The following F13A1 variants were observed in gnomAD, a reference collection of about 807,000 sequenced individuals.
F13A1 encodes FSF, A subunit.
In F13A1, 47 loss-of-function variants were observed where a neutral mutation model predicts 80.1. The observed-to-expected ratio is 0.59, with a 90% CI of 0.46 to 0.75. The LOEUF (loss-of-function observed/expected upper bound fraction) is 0.75, where lower values mean the gene tolerates loss of function less well. Among genes scored for constraint, F13A1 ranks in the 30% least tolerant of loss-of-function variants. The pLI is 0.00. For synonymous variants in F13A1, 349 were observed against 344.9 expected, an observed-to-expected ratio of 1.01 and a Z score of -0.13; for missense variants, 817 against 930.4, an observed-to-expected ratio of 0.88 and a Z score of 1.59.
chr6:6,206,971 A>T (rs1041896720), intron 8 of F13A1, among the ~76,000 whole-genome samples: 2 of 151,774 alleles, frequency 1.3e-5, no homozygotes, highest in East Asian at 3.9e-4. Context: ...CAGAGTAAGG[A>T]CTACTGGAAA....
At chr6:6,311,768 A>G (rs1758603463) in intron 2 of F13A1, among the ~76,000 whole-genome samples, 1 of 144,132 alleles carries the variant, frequency 6.9e-6, no homozygotes, top group South Asian at 2.2e-4. Flanking sequence ...ATATATATTT[A>G]TATATTATAT....
rs1583090885 is a variant in F13A1 at position 6,243,898 on chromosome 6, C to G, written c.798+4414G>C. On this transcript the variant is annotated intron_variant, in intron 6 of 14. Transcript: ENST00000264870. The surrounding 1 kb of genome is among the most constrained non-coding windows in gnomAD (Gnocchi z 4.2). ...GAGCCTTTATCTGCAGTAGCGGCAG[C>G]CTTTGCAGAAGCAGCTGCATCTCCT... 6.6e-6 allele frequency among the ~76,000 whole-genome samples: 1 copy of G among 152,218 alleles called. No homozygotes were observed.
chr6:6,197,244 T>C lies in F13A1; in HGVS notation c.1195A>G (p.Thr399Ala). The change falls in exon 9 of 15, where the codon ACC becomes GCC. Residue 399 changes from threonine to alanine, a missense_variant. Transcript: ENST00000264870. ...GFGGWQAVDS[T>A]PQENSDGMYR... ...TTACCATCGCTATTTTCCTGGGGGG[T>C]GCTGTCCACAGCTTGCCAGCCTCCA... is the stretch of plus-strand genomic sequence containing the variant. 6.2e-7 allele frequency: 1 copy of C among 1,614,068 alleles called. No individual in the cohort carries two copies. The highest frequency in any genetic ancestry group is 8.5e-7 in the Non-Finnish European group (1 of 1,179,990).
chr6:6,302,113 T>C (rs945226931), intron 3 of F13A1, among the ~76,000 whole-genome samples: 4 of 152,234 alleles, frequency 2.6e-5, no homozygotes, highest in African/African-American at 4.8e-5. Context: ...CATAATTATT[T>C]TCTGAACGGC....
Position 6,320,630 on chromosome 6 carries a change from C to G in F13A1, c.-62G>C. 2.1e-6 allele frequency: 1 copy of G among 470,572 alleles called. No homozygotes were observed. Among genetic ancestry groups the G allele is most frequent in the Non-Finnish European group, 4.4e-6 (1 of 226,798 alleles). The allele number at this position is 470,572 out of a possible 1,614,324, so 29.1% of individuals were successfully genotyped here. A position where few individuals can be genotyped will look rare whatever the true frequency, so the allele number is the denominator to read the frequency against. The stretch of plus-strand genomic sequence containing the variant: ...AGAGGTGCCCTCGCGTGGGCTTGCT[C>G]TGTGCGCCTCGGGGACTTCCTCAAA... On this transcript the variant is annotated 5_prime_UTR_variant, in exon 1 of 15. Coordinates refer to ENST00000264870, the MANE Select transcript of F13A1 (RefSeq NM_000129.4).
intron 3 of F13A1, among the ~76,000 whole-genome samples, chr6:6,293,804 AGGG>A (rs1758270876): frequency 2.9e-5 from 1 of 33,962 alleles, no homozygotes; most frequent in Non-Finnish European, 4.9e-5. Context: ...GGAGGGAGGG[AGGG>A]AGGGAGGGAG....
chr6:6,159,921 TG>T (rs1200013363), intron 13 of F13A1, among the ~76,000 whole-genome samples: 2 of 152,094 alleles, frequency 1.3e-5, no homozygotes, highest in East Asian at 3.9e-4. Flanking sequence ...CTGTTCCAGG[TG>T]GGCCAGTGCT....
intron 2 of F13A1, among the ~76,000 whole-genome samples, chr6:6,312,399 C>T (rs529232139): frequency 6.4e-4 from 93 of 145,394 alleles, no homozygotes; most frequent in African/African-American, 2.4e-3. Flanking sequence ...GGGCCGGGCG[C>T]GGTGGCTCAT....
intron 2 of F13A1, among the ~76,000 whole-genome samples, chr6:6,312,865 C>A (rs1257312869): frequency 6.6e-6 from 1 of 151,924 alleles, no homozygotes; most frequent in Admixed American, 6.6e-5. Flanking sequence ...ATGGGTTGTC[C>A]AAAGTATTGG....
At chr6:6,309,079 G>C (rs1474307100) in intron 2 of F13A1, among the ~76,000 whole-genome samples, 1 of 152,070 alleles carries the variant, frequency 6.6e-6, no homozygotes, top group African/African-American at 2.4e-5. Flanking sequence ...ATGCTCTTAA[G>C]ATCATTTTAA....
At chr6:6,251,710 T>G (rs7453209) in intron 4 of F13A1, among the ~76,000 whole-genome samples, 1 of 152,222 alleles carries the variant, frequency 6.6e-6, no homozygotes, top group African/African-American at 2.4e-5. Context: ...ACACGAATTC[T>G]ACCTCAAGGT....
chr6:6,181,695 G>A (rs751183924), intron 11 of F13A1, among the ~76,000 whole-genome samples: 1 of 152,080 alleles, frequency 6.6e-6, no homozygotes, highest in African/African-American at 2.4e-5. Flanking sequence ...TAAAATTAAG[G>A]TTCTTGTGAG....
chr6:6,146,879 T>C (rs1490751303), intron 14 of F13A1, among the ~76,000 whole-genome samples: 1 of 152,176 alleles, frequency 6.6e-6, no homozygotes, highest in Admixed American at 6.5e-5. Flanking sequence ...AGCAGCACAG[T>C]GTGCAATTGC....
At chr6:6,151,710 A>T (rs1380876148) in intron 14 of F13A1, 103 bp downstream of exon 14, 15 of 1,527,442 alleles carry the variant, frequency 9.8e-6, no homozygotes, top group Non-Finnish European at 1.4e-5. Flanking sequence ...AGCTTCCAAG[A>T]CATTTTCACT....
At chr6:6,229,959 T>C (rs1336263400) in intron 6 of F13A1, among the ~76,000 whole-genome samples, 1 of 152,158 alleles carries the variant, frequency 6.6e-6, no homozygotes, top group Non-Finnish European at 1.5e-5. Flanking sequence ...CTAGGTCCCC[T>C]AGCAGGCCAT....
chr6:6,291,201 C>A (rs1758220256), intron 3 of F13A1, among the ~76,000 whole-genome samples: 1 of 152,122 alleles, frequency 6.6e-6, no homozygotes, highest in Non-Finnish European at 1.5e-5. Context: ...ACCTCTTTCT[C>A]GACAACCTTG....
At chr6:6,316,855 ATATGAC>A (rs1758692926) in intron 2 of F13A1, among the ~76,000 whole-genome samples, 1 of 152,144 alleles carries the variant, frequency 6.6e-6, no homozygotes, top group African/African-American at 2.4e-5. Flanking sequence ...TTGGGCACCA[ATATGAC>A]TTTCCCAGAG....
chr6:6,196,524 G>A (rs1761294311), intron 9 of F13A1, among the ~76,000 whole-genome samples: 1 of 152,134 alleles, frequency 6.6e-6, no homozygotes, highest in African/African-American at 2.4e-5. Context: ...TAAAGCCTAG[G>A]ATTATAATAT....
chr6:6,167,950 T>C (rs1760706708), intron 12 of F13A1, among the ~76,000 whole-genome samples: 1 of 152,194 alleles, frequency 6.6e-6, no homozygotes, highest in South Asian at 2.1e-4. Flanking sequence ...AATGGTGGCT[T>C]TGATTTGGGC....
Sources: gnomAD v4.1 joint callset for allele counts (sites outside exome capture counted in the v4.1 genomes callset) on GRCh38, gnomAD v4.1.1 for gene constraint, Gnocchi (gnomAD v3.1) non-coding constraint, MANE v1.5 for transcripts, NCBI Gene and HGNC (gene_info 2026-07-23, HGNC 2026-07-21) for gene names.